The following PCDHA3 variants were observed in gnomAD, a reference collection of about 807,000 sequenced individuals.
The protein encoded by PCDHA3 is protocadherin alpha-3.
Under a neutral mutation model 62.2 loss-of-function variants are expected in PCDHA3, and 41 were observed. That is an observed-to-expected ratio of 0.66 (90% CI 0.51 to 0.86). The LOEUF (loss-of-function observed/expected upper bound fraction) is 0.86, where lower values mean the gene tolerates loss of function less well. PCDHA3 is among the 40% of genes least tolerant of loss of function. PCDHA3 has a pLI of 0.00. For synonymous variants in PCDHA3, 640 were observed against 555.4 expected, an observed-to-expected ratio of 1.15 and a Z score of -2.14; for missense variants, 1,304 against 1,241.2, an observed-to-expected ratio of 1.05 and a Z score of -0.76.
At chr5:140,842,829 C>A (rs2150345601) in intron 1 of PCDHA3, 3 of 1,593,748 alleles carry the variant, frequency 1.9e-6, no homozygotes, top group Admixed American at 3.4e-5. Flanking sequence ...GGCGAGCGCT[C>A]GCTGTCGAGC....
chr5:140,973,799 A>G (rs1470568019), intron 1 of PCDHA3, among the ~76,000 whole-genome samples: 1 of 152,254 alleles, frequency 6.6e-6, no homozygotes, highest in African/African-American at 2.4e-5. Flanking sequence ...CATGCTGTCT[A>G]CTTGACAGAA....
intron 1 of PCDHA3, chr5:140,850,132 G>T (rs2150469208): frequency 6.3e-7 from 1 of 1,595,756 alleles, no homozygotes; most frequent in Non-Finnish European, 8.6e-7. Flanking sequence ...CCGCCTCTGG[G>T]CAGCAACGTG....
intron 1 of PCDHA3, chr5:140,861,630 G>A (rs2047000934): frequency 6.3e-6 from 2 of 317,346 alleles, no homozygotes; most frequent in Admixed American, 6.9e-5. Flanking sequence ...AGTGTTCTCA[G>A]CAACACAAAA....
At position 140,882,980 on chromosome 5, in the gene PCDHA3, A is replaced by T. The variant is rs782593392; in HGVS notation, c.2394+79389A>T. On this transcript the variant is annotated intron_variant, in intron 1 of 3. Coordinates refer to ENST00000522353, the MANE Select transcript of PCDHA3 (RefSeq NM_018906.3). ...CATCACGATTCTGGACGTGAATGAC[A>T]ACGCCCCGGAATTTTACCAATCCGT... 34 of 1,614,072 alleles carry T rather than the reference A, an allele frequency of 2.1e-5. No homozygotes were observed. Among genetic ancestry groups the T allele is most frequent in the African/African-American group, 2.7e-5 (2 of 74,926 alleles).
At position 140,809,455 on chromosome 5, in the gene PCDHA3, G is replaced by A. The variant is rs146943849; in HGVS notation, c.2394+5864G>A. ...GGTCATACTCGCAGCAGAGGAGGCC[G>A]AGGGTGTGCTCTGGTGAGGGCCCAC... On this transcript the variant is annotated intron_variant, in intron 1 of 3. Transcript: ENST00000522353. 3,828 of 1,614,228 alleles carry A rather than the reference G, an allele frequency of 2.4e-3. 18 individuals are homozygous for A. Among genetic ancestry groups the A allele is most frequent in the Middle Eastern group, 0.01 (62 of 6,062 alleles).
intron 1 of PCDHA3, chr5:140,808,960 G>A (rs1554124917): frequency 6.2e-7 from 1 of 1,613,474 alleles, no homozygotes; most frequent in Admixed American, 1.7e-5. Context: ...GCCACGTGGT[G>A]GCAAAGGTGC....
At position 140,802,904 on chromosome 5, in the gene PCDHA3, G is replaced by A; in HGVS notation, c.1707G>A (p.Arg569=). The part of the protein sequence containing the change: ...NDNAPALLMP[R]VGGIGGAVSE... ...ACGCGCCGGCACTGCTGATGCCTCG[G>A]GTGGGTGGCATCGGTGGCGCAGTGA... Residue 569 remains arginine, a synonymous_variant, in exon 1 of 4, where the codon CGG becomes CGA. Transcript: ENST00000522353. 1 of 1,613,806 alleles carries A rather than the reference G, an allele frequency of 6.2e-7. No individual in the cohort carries two copies. The highest frequency in any genetic ancestry group is 8.5e-7 in the Non-Finnish European group (1 of 1,179,896).
At chr5:140,864,370 C>T (rs185774022) in intron 1 of PCDHA3, 45 of 152,264 alleles carry the variant, frequency 3.0e-4, no homozygotes, top group African/African-American at 8.2e-4. Flanking sequence ...TTTCTATAAT[C>T]GATAAGTTTA....
At chr5:140,882,855 T>C in intron 1 of PCDHA3, 1 of 1,614,230 alleles carries the variant, frequency 6.2e-7, no homozygotes, top group Non-Finnish European at 8.5e-7. Context: ...TCACTTGTAC[T>C]GAGGAAAACA....
intron 1 of PCDHA3, among the ~76,000 whole-genome samples, chr5:140,873,949 C>G (rs1161044001): frequency 1.3e-5 from 2 of 152,218 alleles, no homozygotes; most frequent in Non-Finnish European, 1.5e-5. Flanking sequence ...GTGTAAGTCA[C>G]TGAGCCCAGC....
In PCDHA3 at chr5:141,010,847, A is replaced by C. The variant is rs2098418553; in HGVS notation, c.*910A>C. 6.5e-6 allele frequency: 1 copy of C among 153,782 alleles called. No homozygotes were observed. Among genetic ancestry groups the C allele is most frequent in the Non-Finnish European group, 1.5e-5 (1 of 68,062 alleles). The allele number at this position is 153,782 out of a possible 1,614,324, so 9.5% of individuals were successfully genotyped here. A position where few individuals can be genotyped will look rare whatever the true frequency, so the allele number is the denominator to read the frequency against. ...TTGTTGTTTCATAGATTTATTTAAA[A>C]AAAGAGAAAGTCTATAGCTATAAAT... On this transcript the variant is annotated 3_prime_UTR_variant, in exon 4 of 4. Transcript: ENST00000522353.
chr5:140,991,844 C>T (rs892318388), intron 3 of PCDHA3, among the ~76,000 whole-genome samples: 2 of 152,334 alleles, frequency 1.3e-5, no homozygotes, highest in Middle Eastern at 6.8e-3. Flanking sequence ...AACCGCACTT[C>T]CAGATACCAA....
intron 1 of PCDHA3, chr5:140,850,098 G>A: frequency 6.3e-7 from 1 of 1,596,440 alleles, no homozygotes; most frequent in South Asian, 1.1e-5. Context: ...ACAGTTCCAG[G>A]TGAGCGCGCG....
At chr5:140,809,929 A>G (rs976840498) in intron 1 of PCDHA3, 1 of 169,298 alleles carries the variant, frequency 5.9e-6, no homozygotes, top group Non-Finnish European at 1.3e-5. Flanking sequence ...AGCTCCATAA[A>G]TTGTATGAAA....
chr5:140,849,616 T>C (rs2150442441), intron 1 of PCDHA3: 3 of 1,598,578 alleles, frequency 1.9e-6, no homozygotes, highest in African/African-American at 2.7e-5. Flanking sequence ...CTGATTAGTG[T>C]GATCGACCTA....
At chr5:140,873,843 T>C (rs2054523917) in intron 1 of PCDHA3, among the ~76,000 whole-genome samples, 1 of 152,144 alleles carries the variant, frequency 6.6e-6, no homozygotes, top group Non-Finnish European at 1.5e-5. Context: ...GTATTTTTAG[T>C]AGAGATGGGT....
intron 1 of PCDHA3, chr5:140,836,260 T>C (rs2150256538): frequency 6.2e-7 from 1 of 1,613,780 alleles, no homozygotes; most frequent in Admixed American, 1.7e-5. Flanking sequence ...CGCGTGGGGC[T>C]GTACACTGGT....
At chr5:140,804,553 T>C (rs1177952713) in intron 1 of PCDHA3, 2 of 152,240 alleles carry the variant, frequency 1.3e-5, no homozygotes, top group African/African-American at 4.8e-5. Flanking sequence ...GTCTTTTGCA[T>C]ACCATACTAA....
chr5:140,952,028 T>C (rs2094677235), intron 1 of PCDHA3, among the ~76,000 whole-genome samples: 1 of 152,164 alleles, frequency 6.6e-6, no homozygotes, highest in Non-Finnish European at 1.5e-5. Flanking sequence ...AAGTCCGAAA[T>C]CCAGTAGGGC....
Sources: gnomAD v4.1 joint callset for allele counts (sites outside exome capture counted in the v4.1 genomes callset) on GRCh38, gnomAD v4.1.1 for gene constraint, MANE v1.5 for transcripts, NCBI Gene and HGNC (gene_info 2026-07-23, HGNC 2026-07-21) for gene names.